Variants in GLIS1 observed in about 807,000 individuals in gnomAD.
GLIS1 encodes the protein zinc finger protein GLIS1.
GLIS1 carries 24 observed loss-of-function variants against 63.8 expected under a neutral mutation model. That is an observed-to-expected ratio of 0.38 (90% confidence interval 0.27 to 0.53). GLIS1 has a LOEUF of 0.53. Among genes scored for constraint, GLIS1 ranks in the 20% least tolerant of loss-of-function variants. The pLI is 0.85. For synonymous variants in GLIS1, 450 were observed against 482.5 expected, an observed-to-expected ratio of 0.93 and a Z score of 0.88; for missense variants, 1,036 against 1,074.1, an observed-to-expected ratio of 0.96 and a Z score of 0.50.
At chr1:53,617,848 C>T (rs1379916580) in intron 2 of GLIS1, among the ~76,000 whole-genome samples, 1 of 152,230 alleles carries the variant, frequency 6.6e-6, no homozygotes, top group Non-Finnish European at 1.5e-5. Context: ...AGCCATCCTT[C>T]TTCAGGTAGG....
At chr1:53,638,224 A>G (rs1192742596) in intron 2 of GLIS1, among the ~76,000 whole-genome samples, 2 of 152,164 alleles carry the variant, frequency 1.3e-5, no homozygotes, top group African/African-American at 2.4e-5. Context: ...ACCTCGGGGA[A>G]AGGGAGGGTT....
chr1:53,521,848 C>T (rs1376466331), intron 6 of GLIS1, among the ~76,000 whole-genome samples: 3 of 152,240 alleles, frequency 2.0e-5, no homozygotes, highest in Admixed American at 6.5e-5. Flanking sequence ...ATGACTGGGG[C>T]AGGCACCTGG....
intron 10 of GLIS1, among the ~76,000 whole-genome samples, chr1:53,508,128 GT>G (rs1359468096): frequency 6.7e-6 from 1 of 148,914 alleles, no homozygotes; most frequent in African/African-American, 2.5e-5. Flanking sequence ...CACAGATGGG[GT>G]TCACGGACAT....
At chr1:53,700,993 T>C (rs1646517610) in intron 2 of GLIS1, among the ~76,000 whole-genome samples, 1 of 152,266 alleles carries the variant, frequency 6.6e-6, no homozygotes, top group Admixed American at 6.5e-5. Flanking sequence ...TGCACAGATA[T>C]ACCACATTTT....
chr1:53,530,207 C>T lies in GLIS1; in HGVS notation c.1321-255G>A, dbSNP rs192529936. 1.1e-3 allele frequency among the ~76,000 whole-genome samples: 164 copies of T among 152,326 alleles called. 1 individual carries two copies. Among genetic ancestry groups the T allele is most frequent in the African/African-American group, 3.5e-3 (145 of 41,574 alleles). On this transcript the variant is annotated intron_variant, in intron 4 of 10. Coordinates refer to ENST00000628545, the MANE Select transcript of GLIS1 (RefSeq NM_001367484.1). The stretch of plus-strand genomic sequence containing the variant: ...GGGCTGGAGAAGAAAGTGGCCTTTC[C>T]AGTTCTGGACCCGAAAGGCTCCCCT...
At chr1:53,650,329 C>T (rs1008691260) in intron 2 of GLIS1, among the ~76,000 whole-genome samples, 3 of 152,124 alleles carry the variant, frequency 2.0e-5, no homozygotes, top group Non-Finnish European at 4.4e-5. Flanking sequence ...GTGGCTCACA[C>T]CTGTAATCAA....
chr1:53,588,184 C>T (rs1645154793), intron 4 of GLIS1, among the ~76,000 whole-genome samples: 1 of 152,136 alleles, frequency 6.6e-6, no homozygotes, highest in African/African-American at 2.4e-5. Flanking sequence ...GGCTGCAAAA[C>T]CTCAGCTCCT....
intron 2 of GLIS1, chr1:53,734,061 CTT>C (rs112341265): frequency 2.1e-4 from 178 of 846,390 alleles, no homozygotes; most frequent in African/African-American, 1.0e-3. Flanking sequence ...TCTACAATTC[CTT>C]TTTTTTTTTT....
intron 2 of GLIS1, among the ~76,000 whole-genome samples, chr1:53,728,253 C>A (rs1240089704): frequency 6.6e-6 from 1 of 152,124 alleles, no homozygotes; most frequent in Non-Finnish European, 1.5e-5. Flanking sequence ...TCAGTAGGGT[C>A]AATCTGGTGG....
intron 2 of GLIS1, chr1:53,734,257 G>A: frequency 3.2e-6 from 3 of 949,552 alleles, no homozygotes; most frequent in Non-Finnish European, 3.8e-6. Context: ...TATCTGGTTT[G>A]GTGTGGGAAC....
At chr1:53,585,474 T>C (rs1645125344) in intron 4 of GLIS1, among the ~76,000 whole-genome samples, 1 of 140,380 alleles carries the variant, frequency 7.1e-6, no homozygotes, top group Non-Finnish European at 1.5e-5. Context: ...GCTCAGAATT[T>C]AAGTAAGAAG....
intron 2 of GLIS1, among the ~76,000 whole-genome samples, chr1:53,607,724 C>T (rs1645385047): frequency 6.6e-6 from 1 of 152,202 alleles, no homozygotes; most frequent in Non-Finnish European, 1.5e-5. Context: ...CCCCAGTGTA[C>T]TAGTCAGTTC....
chr1:53,632,240 G>A (rs1243962039), intron 2 of GLIS1, among the ~76,000 whole-genome samples: 4 of 151,320 alleles, frequency 2.6e-5, no homozygotes, highest in African/African-American at 7.3e-5. Context: ...GTGACTGAGG[G>A]GTATGTGTAT....
At chr1:53,715,395 G>A (rs914085972) in intron 2 of GLIS1, among the ~76,000 whole-genome samples, 11 of 152,218 alleles carry the variant, frequency 7.2e-5, no homozygotes, top group African/African-American at 2.4e-4. Flanking sequence ...CATGGTCCAA[G>A]TGTGGCAAGA....
intron 4 of GLIS1, among the ~76,000 whole-genome samples, chr1:53,589,703 A>G (rs1306644976): frequency 6.6e-6 from 1 of 152,204 alleles, no homozygotes; most frequent in Non-Finnish European, 1.5e-5. Context: ...GGCCAGAGGA[A>G]GCTGGGCAGG....
At chr1:53,673,027 C>G (rs1646170583) in intron 2 of GLIS1, among the ~76,000 whole-genome samples, 1 of 152,202 alleles carries the variant, frequency 6.6e-6, no homozygotes, top group Non-Finnish European at 1.5e-5. Context: ...GTACATTACT[C>G]CCTGAGCTGG....
chr1:53,548,403 C>T (rs921156886), intron 4 of GLIS1, among the ~76,000 whole-genome samples: 8 of 152,192 alleles, frequency 5.3e-5, no homozygotes, highest in South Asian at 2.1e-4. Flanking sequence ...GGGGCAGGAA[C>T]GAGAGAAGGG....
At position 53,646,502 on chromosome 1, in the gene GLIS1, A is replaced by C. The variant is rs1256004064; in HGVS notation, c.260-46224T>G. Among the ~76,000 whole-genome samples the C allele has an allele frequency of 6.6e-6, 1 of 152,224 alleles. No homozygotes were observed. Among genetic ancestry groups the C allele is most frequent in the Non-Finnish European group, 1.5e-5 (1 of 68,042 alleles). On this transcript the variant is annotated intron_variant, in intron 2 of 10. Coordinates refer to ENST00000628545, the MANE Select transcript of GLIS1 (RefSeq NM_001367484.1). The surrounding 1 kb of genome is among the most constrained non-coding windows in gnomAD (Gnocchi z 4.2). ...ATAAATCTAACACAAGATATACAAG[A>C]CCTCAACAAAGAAAATTGCTAGACA...
chr1:53,694,405 C>T (rs1012693187), intron 2 of GLIS1, among the ~76,000 whole-genome samples: 12 of 152,230 alleles, frequency 7.9e-5, no homozygotes, highest in East Asian at 1.9e-4. Context: ...TTCTGCGAGC[C>T]GGCTGGCCCT....
Sources: gnomAD v4.1 joint callset for allele counts (sites outside exome capture counted in the v4.1 genomes callset) on GRCh38, gnomAD v4.1.1 for gene constraint, Gnocchi (gnomAD v3.1) non-coding constraint, MANE v1.5 for transcripts, NCBI Gene and HGNC (gene_info 2026-07-23, HGNC 2026-07-21) for gene names.